Variants in ZBTB16 observed in about 807,000 individuals in gnomAD.
ZBTB16 encodes the protein zinc finger and BTB domain containing 16, also known as zinc finger and BTB domain-containing protein 16.
A neutral mutation model predicts 56.8 loss-of-function variants in ZBTB16; 8 were observed. The ratio of observed to expected loss-of-function variants is 0.14; its 90% CI spans 0.08 to 0.25. The LOEUF is 0.25. ZBTB16 is among the 10% of genes least tolerant of loss of function. The pLI is 1.00. For synonymous variants in ZBTB16, 363 were observed against 368.5 expected, an observed-to-expected ratio of 0.98 and a Z score of 0.17; for missense variants, 625 against 903.0, an observed-to-expected ratio of 0.69 and a Z score of 3.95.
chr11:114,230,789 A>T (rs984865264), intron 4 of ZBTB16, among the ~76,000 whole-genome samples: 7 of 151,656 alleles, frequency 4.6e-5, no homozygotes, highest in Non-Finnish European at 1.0e-4. Flanking sequence ...AACAATCAGT[A>T]TTTCGTTTTA....
intron 4 of ZBTB16, among the ~76,000 whole-genome samples, chr11:114,197,795 A>C (rs565564418): frequency 6.6e-6 from 1 of 152,236 alleles, no homozygotes; most frequent in South Asian, 2.1e-4. Context: ...AGGATTTAAA[A>C]GGGTGAGCAG....
At chr11:114,152,807 T>G (rs1011754022) in intron 2 of ZBTB16, among the ~76,000 whole-genome samples, 2 of 152,260 alleles carry the variant, frequency 1.3e-5, no homozygotes, top group East Asian at 1.9e-4. Flanking sequence ...GATGTCTTCC[T>G]TCCTTTCCTG....
rs546763131 is a variant in ZBTB16 at position 114,139,127 on chromosome 11, C to T, written c.1269-17210C>T. Among the ~76,000 whole-genome samples the T allele has an allele frequency of 3.3e-5, 5 of 152,330 alleles. No individual in the cohort carries two copies. The South Asian group carries it at 1.0e-3, about 32-fold the overall frequency. ...CAGAGTGATTTTGTGAGGATTTGTA[C>T]AATGCAAGTCTTGAGATGCAAATGG... On this transcript the variant is annotated intron_variant, in intron 2 of 6. Transcript: ENST00000335953.
chr11:114,066,603 T>C (rs967002491), intron 2 of ZBTB16, among the ~76,000 whole-genome samples: 2 of 152,134 alleles, frequency 1.3e-5, no homozygotes, highest in African/African-American at 4.8e-5. Context: ...ACCACTCTCC[T>C]GAGACTTCCA....
At chr11:114,088,116 A>T (rs78376396) in intron 2 of ZBTB16, among the ~76,000 whole-genome samples, 2,548 of 147,096 alleles carry the variant, frequency 0.017, 64 homozygotes, top group African/African-American at 0.059. Context: ...ACACCAGAAG[A>T]GGTATAGATA....
chr11:114,111,350 T>C (rs149354598), intron 2 of ZBTB16, among the ~76,000 whole-genome samples: 191 of 152,326 alleles, frequency 1.3e-3, no homozygotes, highest in African/African-American at 4.1e-3. Flanking sequence ...TATAATTGGC[T>C]GTGCTCCTTA....
intron 3 of ZBTB16, among the ~76,000 whole-genome samples, chr11:114,158,021 G>C (rs770530250): frequency 6.6e-6 from 1 of 152,112 alleles, no homozygotes; most frequent in South Asian, 2.1e-4. Flanking sequence ...TCTGTTTTAG[G>C]GACTTACACC....
At position 114,063,403 on chromosome 11, in the gene ZBTB16, G is replaced by A; in HGVS notation, c.103G>A (p.Asp35Asn). The A allele has an allele frequency of 6.2e-7, 1 of 1,614,170 alleles. No individual in the cohort carries two copies. The highest frequency in any genetic ancestry group is 8.5e-7 in the Non-Finnish European group (1 of 1,180,038). Residue 35 changes from aspartate (D) to asparagine (N), a missense_variant, in exon 2 of 7, where the codon GAT becomes AAT. Transcript: ENST00000335953. The surrounding 1 kb of genome is among the most constrained non-coding windows in gnomAD (Gnocchi z 6.5). ...GATGCGGCTGGCCGGGACTTTGTGC[G>A]ATGTGGTCATCATGGTGGACAGCCA... ...NQMRLAGTLC[D>N]VVIMVDSQEF... is the part of the protein sequence containing the mutation.
intron 2 of ZBTB16, among the ~76,000 whole-genome samples, chr11:114,137,722 T>C (rs955100269): frequency 3.3e-5 from 5 of 152,168 alleles, no homozygotes; most frequent in African/African-American, 1.2e-4. Context: ...ATGCCCTTTT[T>C]TTTGGGCAGA....
rs207472352 is a variant in ZBTB16, at chr11:114,064,500, G to T, written c.1200G>T (p.Arg400=). ...ELAVGMKSES[R]TIGEQCSVCG... ...CTGTGGGCATGAAGTCAGAGAGCCG[G>T]ACCATCGGAGAGCAGTGCAGCGTGT... Residue 400 remains arginine (R), a synonymous_variant, in exon 2 of 7, where the codon CGG becomes CGT. Coordinates refer to ENST00000335953, the MANE Select transcript of ZBTB16 (RefSeq NM_006006.6). The surrounding 1 kb of genome is among the most constrained non-coding windows in gnomAD (Gnocchi z 4.2). The T allele has an allele frequency of 1.9e-6, 3 of 1,614,102 alleles. No homozygotes were observed. Among genetic ancestry groups the T allele is most frequent in the Non-Finnish European group, 2.5e-6 (3 of 1,180,040 alleles).
chr11:114,183,426 G>A (rs530823476), intron 3 of ZBTB16, among the ~76,000 whole-genome samples: 2 of 152,184 alleles, frequency 1.3e-5, no homozygotes, highest in South Asian at 4.2e-4. Flanking sequence ...TTCCTACCTG[G>A]CCTCCTTCCT....
At chr11:114,153,487 C>T (rs531751006) in intron 2 of ZBTB16, among the ~76,000 whole-genome samples, 5 of 152,300 alleles carry the variant, frequency 3.3e-5, no homozygotes, top group Non-Finnish European at 4.4e-5. Context: ...CTGAAGGCAG[C>T]GAAATGCATG....
chr11:114,104,982 C>T (rs1940737598), intron 2 of ZBTB16, among the ~76,000 whole-genome samples: 1 of 152,140 alleles, frequency 6.6e-6, no homozygotes, highest in African/African-American at 2.4e-5. Context: ...TTTCCTGACC[C>T]ATTTTGCAGA....
At chr11:114,066,639 T>C (rs1037052774) in intron 2 of ZBTB16, among the ~76,000 whole-genome samples, 1 of 152,030 alleles carries the variant, frequency 6.6e-6, no homozygotes, top group East Asian at 1.9e-4. Flanking sequence ...AGACCCTCAT[T>C]CCTCTGGGGA....
At chr11:114,202,492 C>G (rs959489798) in intron 4 of ZBTB16, among the ~76,000 whole-genome samples, 1 of 152,174 alleles carries the variant, frequency 6.6e-6, no homozygotes, top group African/African-American at 2.4e-5. Flanking sequence ...AGAACTGTCA[C>G]TATTGCCTCT....
intron 4 of ZBTB16, among the ~76,000 whole-genome samples, chr11:114,235,674 CTTTCTTTCTTTCTTTCT>C (rs1280472276): frequency 0.037 from 894 of 24,452 alleles, 19 homozygotes; most frequent in East Asian, 0.044. Flanking sequence ...TTCTTTCTTT[CTTTCTTTCTTTCTTTCT>C]TTTCTTTCTT....
intron 4 of ZBTB16, among the ~76,000 whole-genome samples, chr11:114,237,773 C>T (rs1416111883): frequency 6.6e-6 from 1 of 152,196 alleles, no homozygotes; most frequent in Non-Finnish European, 1.5e-5. Context: ...ATTTTTAACT[C>T]GCATGCACCA....
chr11:114,148,465 C>CTTTCTTTCTTTCTTTTTCTT (rs1187503856), intron 2 of ZBTB16, among the ~76,000 whole-genome samples: 1 of 53,492 alleles, frequency 1.9e-5, no homozygotes, highest in Non-Finnish European at 4.0e-5. Context: ...CTGTCTCTCT[C>CTTTCTTTCTTTCTTTTTCTT]TCTCTCTTTC....
chr11:114,209,613 C>G lies in ZBTB16; in HGVS notation c.1453+22575C>G, dbSNP rs1006790896. On this transcript the variant is annotated intron_variant, in intron 4 of 6. Coordinates refer to ENST00000335953, the MANE Select transcript of ZBTB16 (RefSeq NM_006006.6). ...GCAAGGCAACTGCCTCCCTGGGGGG[C>G]TCTCCTCTGCCTTAGGGTGGTGACT... 109 of 985,414 alleles carry G rather than the reference C, an allele frequency of 1.1e-4. 1 individual carries two copies. Among genetic ancestry groups the G allele is most frequent in the Non-Finnish European group, 1.3e-4 (104 of 829,918 alleles). The allele number at this position is 985,414 out of a possible 1,614,324, so 61.0% of individuals were successfully genotyped here.
Sources: gnomAD v4.1 joint callset for allele counts (sites outside exome capture counted in the v4.1 genomes callset) on GRCh38, gnomAD v4.1.1 for gene constraint, Gnocchi (gnomAD v3.1) non-coding constraint, MANE v1.5 for transcripts, NCBI Gene and HGNC (gene_info 2026-07-23, HGNC 2026-07-21) for gene names.